FSTL5: variants seen among roughly 807,000 people sequenced by gnomAD.
FSTL5 encodes follistatin-related protein 5.
Under a neutral mutation model 89.1 loss-of-function variants are expected in FSTL5, and 62 were observed. That is an observed-to-expected ratio of 0.70 (90% CI 0.57 to 0.86). The LOEUF (loss-of-function observed/expected upper bound fraction) is 0.86, where lower values mean the gene tolerates loss of function less well. FSTL5 is among the 40% of genes least tolerant of loss of function. FSTL5 has a pLI of 0.00. For missense variants in FSTL5, 1,057 were observed against 1,001.6 expected, an observed-to-expected ratio of 1.06 and a Z score of -0.75; for synonymous variants, 383 against 346.2, an observed-to-expected ratio of 1.11 and a Z score of -1.18.
At chr4:161,891,926 T>A (rs1393709633) in intron 4 of FSTL5, among the ~76,000 whole-genome samples, 1 of 152,092 alleles carries the variant, frequency 6.6e-6, no homozygotes, top group African/African-American at 2.4e-5. Context: ...AGGCTTATAT[T>A]AGTCTTTCTC....
At chr4:161,948,493 T>C (rs1734800600) in intron 3 of FSTL5, among the ~76,000 whole-genome samples, 1 of 144,492 alleles carries the variant, frequency 6.9e-6, no homozygotes, top group African/African-American at 2.5e-5. Flanking sequence ...TTCTTTTTTT[T>C]TTTTTTTTTT....
chr4:161,735,741 T>TA (rs1460442229), intron 6 of FSTL5, among the ~76,000 whole-genome samples: 6 of 152,144 alleles, frequency 3.9e-5, no homozygotes, highest in African/African-American at 1.4e-4. Flanking sequence ...TATGAACACT[T>TA]AAGAGATTGT....
At chr4:161,941,693 G>A (rs1476454327) in intron 3 of FSTL5, among the ~76,000 whole-genome samples, 1 of 151,796 alleles carries the variant, frequency 6.6e-6, no homozygotes, top group Non-Finnish European at 1.5e-5. Flanking sequence ...AGTTCTAGTT[G>A]CAGACTTCAA....
intron 7 of FSTL5, among the ~76,000 whole-genome samples, chr4:161,605,713 G>A (rs1243307361): frequency 6.6e-6 from 1 of 152,202 alleles, no homozygotes; most frequent in African/African-American, 2.4e-5. Context: ...TCACCCTTCA[G>A]TGGAGAACCA....
intron 4 of FSTL5, among the ~76,000 whole-genome samples, chr4:161,778,174 G>A (rs1741490959): frequency 6.6e-6 from 1 of 151,890 alleles, no homozygotes; most frequent in Non-Finnish European, 1.5e-5. Context: ...TTTATGTGAA[G>A]GAAAATAATT....
intron 5 of FSTL5, among the ~76,000 whole-genome samples, chr4:161,762,254 C>T (rs1418446276): frequency 6.6e-6 from 1 of 152,096 alleles, no homozygotes; most frequent in East Asian, 1.9e-4. Flanking sequence ...GCAACGTCTG[C>T]CTCCCAGATA....
chr4:161,615,292 T>TAAAAAAAAAAAAAAAA (rs1734814566), intron 7 of FSTL5, among the ~76,000 whole-genome samples: 1 of 11,414 alleles, frequency 8.8e-5, no homozygotes, highest in Admixed American at 1.3e-3. Context: ...AGACTCTGTC[T>TAAAAAAAAAAAAAAAA]CAAAAAAAAA....
intron 3 of FSTL5, among the ~76,000 whole-genome samples, chr4:162,026,320 C>G (rs79550289): frequency 3.8e-5 from 2 of 52,328 alleles, no homozygotes; most frequent in Non-Finnish European, 3.6e-5. Context: ...TTTTTTTTTT[C>G]TTTTTGAGAC....
chr4:161,660,502 C>A (rs7698343), intron 6 of FSTL5, among the ~76,000 whole-genome samples: 1 of 151,884 alleles, frequency 6.6e-6, no homozygotes, highest in Non-Finnish European at 1.5e-5. Flanking sequence ...TTCAGGGATA[C>A]ATGTATGGGT....
At chr4:161,861,268 CA>C (rs1211850708) in intron 4 of FSTL5, among the ~76,000 whole-genome samples, 3 of 152,034 alleles carry the variant, frequency 2.0e-5, no homozygotes, top group Non-Finnish European at 4.4e-5. Context: ...ACTAAAAATA[CA>C]AAAAATAGCA....
At chr4:162,156,657 TC>T (rs1217260237) in intron 1 of FSTL5, among the ~76,000 whole-genome samples, 2 of 152,086 alleles carry the variant, frequency 1.3e-5, no homozygotes, top group Non-Finnish European at 2.9e-5. Context: ...AAACCAAGTA[TC>T]CCATGTTCTC....
chr4:161,630,701 CA>C (rs1447191882), intron 7 of FSTL5, among the ~76,000 whole-genome samples: 4 of 152,148 alleles, frequency 2.6e-5, no homozygotes, highest in Non-Finnish European at 4.4e-5. Context: ...TCAATTGCCT[CA>C]AAGTCAACAT....
intron 2 of FSTL5, among the ~76,000 whole-genome samples, chr4:162,061,354 T>A (rs1460637635): frequency 6.6e-6 from 1 of 152,176 alleles, no homozygotes; most frequent in African/African-American, 2.4e-5. Context: ...CTCTCTGAGA[T>A]TCTGATGTCC....
chr4:161,686,514 A>G (rs988374473), intron 6 of FSTL5, among the ~76,000 whole-genome samples: 2 of 150,542 alleles, frequency 1.3e-5, no homozygotes, highest in Non-Finnish European at 1.5e-5. Flanking sequence ...ACCCGCCACC[A>G]TGCCCAGCTA....
intron 3 of FSTL5, among the ~76,000 whole-genome samples, chr4:161,940,535 T>A (rs866836045): frequency 4.1e-5 from 6 of 144,952 alleles, no homozygotes; most frequent in African/African-American, 7.5e-5. Flanking sequence ...TTGCCCTATT[T>A]AAAAAAAAAA....
chr4:161,390,160 T>C (rs1240778100), intron 15 of FSTL5, among the ~76,000 whole-genome samples: 1 of 152,136 alleles, frequency 6.6e-6, no homozygotes, highest in Non-Finnish European at 1.5e-5. Context: ...ACTGCTTCAG[T>C]ACTTACTGAG....
At chr4:161,809,053 C>T (rs777814022) in intron 4 of FSTL5, among the ~76,000 whole-genome samples, 10 of 152,116 alleles carry the variant, frequency 6.6e-5, no homozygotes, top group African/African-American at 9.6e-5. Context: ...CCCGTTTCTA[C>T]GAAAAATACA....
intron 5 of FSTL5, among the ~76,000 whole-genome samples, chr4:161,768,870 A>G (rs1162208764): frequency 6.6e-6 from 1 of 151,904 alleles, no homozygotes; most frequent in African/African-American, 2.4e-5. Context: ...GAAATTGAAG[A>G]AAGAAAATGA....
chr4:162,003,099 G>A (rs1336616474), intron 3 of FSTL5, among the ~76,000 whole-genome samples: 3 of 152,134 alleles, frequency 2.0e-5, no homozygotes, highest in East Asian at 1.9e-4. Flanking sequence ...AGCCGAGATC[G>A]CACCACTGTG....
Sources: allele counts gnomAD v4.1 joint callset (sites outside exome capture counted in the v4.1 genomes callset), GRCh38; gene constraint gnomAD v4.1.1; transcripts MANE v1.5; gene names NCBI Gene and HGNC (gene_info 2026-07-23, HGNC 2026-07-21).